Variants in NKAIN4 observed in about 807,000 individuals in gnomAD.
The protein encoded by NKAIN4 is sodium/potassium-transporting ATPase subunit beta-1-interacting protein 4.
Under a neutral mutation model 28.8 loss-of-function variants are expected in NKAIN4, and 28 were observed. The ratio of observed to expected loss-of-function variants is 0.97; its 90% CI spans 0.72 to 1.33. NKAIN4 has a LOEUF of 1.33. Ranked by LOEUF, NKAIN4 falls within the 40% of genes most tolerant of loss-of-function variation. The pLI, the probability that NKAIN4 is intolerant of heterozygous loss-of-function variation, is 0.00. For missense variants in NKAIN4, 289 were observed against 277.2 expected (o/e 1.04, Z -0.30); for synonymous variants, 122 against 115.6 (o/e 1.06, Z -0.36).
intron 4 of NKAIN4, among the ~76,000 whole-genome samples, chr20:63,246,123 T>C (rs1192332523): frequency 6.6e-6 from 1 of 152,026 alleles, no homozygotes; most frequent in Non-Finnish European, 1.5e-5. Context: ...AGAGACAGGG[T>C]TTCACCGTGT....
intron 4 of NKAIN4, chr20:63,246,708 C>G (rs1453256436): frequency 2.1e-6 from 2 of 969,920 alleles, no homozygotes; most frequent in African/African-American, 1.9e-5. Flanking sequence ...CCTCCAGCGA[C>G]GGCACCAGCC....
At chr20:63,253,901 C>G (rs1002702945) in intron 1 of NKAIN4, 1 of 156,174 alleles carries the variant, frequency 6.4e-6, no homozygotes, top group Non-Finnish European at 1.4e-5. Context: ...ACCCCCCGCC[C>G]CCTACACTCG....
chr20:63,253,674 T>C (rs769205151), intron 1 of NKAIN4, among the ~76,000 whole-genome samples: 10 of 152,270 alleles, frequency 6.6e-5, no homozygotes, highest in Admixed American at 1.3e-4. Flanking sequence ...CGGGAAAGAA[T>C]CCGCCCCCCA....
rs1001957920 is a variant in NKAIN4, at chr20:63,252,341, C to T, written c.54+2056G>A. On this transcript the variant is annotated intron_variant, in intron 1 of 6. Coordinates refer to ENST00000370316, the MANE Select transcript of NKAIN4 (RefSeq NM_152864.4). This position sits in a 1 kb window ranked among gnomAD's most constrained non-coding sequence, Gnocchi z 4.6. ...AGCAGGGCAGAGCCTGGGAATTGGA[C>T]GCAGCACAGCCCGGCTCAGAGCCAG... 2.6e-5 allele frequency among the ~76,000 whole-genome samples: 4 copies of T among 152,102 alleles called. No homozygotes were observed. The highest frequency in any genetic ancestry group is 2.1e-4 in the South Asian group (1 of 4,806).
At chr20:63,251,439 C>T (rs927875241) in intron 1 of NKAIN4, among the ~76,000 whole-genome samples, 3 of 152,088 alleles carry the variant, frequency 2.0e-5, no homozygotes, top group Non-Finnish European at 2.9e-5. Flanking sequence ...AGGGAGACTC[C>T]CTTTCCCAGT....
chr20:63,253,848 G>GGCGGCGGGA (rs1219601389), intron 1 of NKAIN4: 6 of 152,864 alleles, frequency 3.9e-5, no homozygotes, highest in African/African-American at 1.4e-4. Context: ...GGGCGGCGGG[G>GGCGGCGGGA]GCGGGCGGGG....
At chr20:63,251,200 T>C (rs2066953338) in intron 1 of NKAIN4, among the ~76,000 whole-genome samples, 1 of 151,914 alleles carries the variant, frequency 6.6e-6, no homozygotes, top group Admixed American at 6.6e-5. Context: ...ACGCCATTAT[T>C]TCTGCTTATC....
intron 4 of NKAIN4, 121 bp from the exon 5 acceptor site, chr20:63,244,205 C>CCT: frequency 1.3e-6 from 1 of 782,722 alleles, no homozygotes; most frequent in East Asian, 2.7e-5. Context: ...CTCTCCTGGA[C>CCT]CTCAGGTTCC....
upstream of NKAIN4, chr20:63,254,558 G>T: frequency 2.6e-6 from 2 of 765,700 alleles, no homozygotes; most frequent in Non-Finnish European, 3.5e-6. Context: ...TCCGCATCCC[G>T]TTCCCCCCTC....
chr20:63,247,173 G>A (rs1365850578), intron 4 of NKAIN4: 9 of 1,124,820 alleles, frequency 8.0e-6, no homozygotes, highest in East Asian at 7.3e-5. Flanking sequence ...TCCTGTGACC[G>A]GCATGGGCTC....
At chr20:63,254,560 TC>T, upstream of NKAIN4, 2 of 738,986 alleles carry the variant, frequency 2.7e-6, no homozygotes, top group African/African-American at 1.8e-5. Context: ...CGCATCCCGT[TC>T]CCCCCTCCTC....
chr20:63,252,488 A>C lies in NKAIN4; in HGVS notation c.54+1909T>G, dbSNP rs6122415. Among the ~76,000 whole-genome samples the C allele has an allele frequency of 0.86, 130,219 of 151,788 alleles. 55,989 individuals carry two copies. The highest frequency in any genetic ancestry group is 0.97 in the East Asian group (5,001 of 5,148). On this transcript the variant is annotated intron_variant, in intron 1 of 6. Transcript: ENST00000370316. This position sits in a 1 kb window ranked among gnomAD's most constrained non-coding sequence, Gnocchi z 4.6. ...AAAAAAAAAAAGGGGCTATCCAACA[A>C]CCCCGCCCTTCCTCCCGGGCCCCCT...
Position 63,241,762 on chromosome 20 carries a change from G to A in NKAIN4, c.618-256C>T, listed in dbSNP as rs772527739. On this transcript the variant is annotated intron_variant, in intron 6 of 6. Coordinates refer to ENST00000370316, the MANE Select transcript of NKAIN4 (RefSeq NM_152864.4). ...GGTCTGGCCTGTGGGGCTGGGAGTG[G>A]AGAGGGGGCTCACCCAGGGGTGTGC... The A allele has an allele frequency of 2.4e-4, 159 of 667,194 alleles. No homozygotes were observed. The Middle Eastern group carries it at 3.9e-3, about 16-fold the overall frequency. The allele number at this position is 667,194 out of a possible 1,614,324, so 41.3% of individuals were successfully genotyped here. A position where few individuals can be genotyped will look rare whatever the true frequency, so the allele number is the denominator to read the frequency against.
rs766396517 is a variant in NKAIN4, at chr20:63,250,055, C to G, written c.72G>C (p.Arg24Ser). The G allele has an allele frequency of 1.3e-6, 2 of 1,586,280 alleles. No individual in the cohort carries two copies. The highest frequency in any genetic ancestry group is 1.7e-6 in the Non-Finnish European group (2 of 1,167,526). Residue 24 changes from arginine (R) to serine (S), a missense_variant, in exon 2 of 7, where the codon AGG becomes AGC. Arg to Ser is a moderately radical substitution (Grantham distance 110, BLOSUM62 -1). Transcript: ENST00000370316. ...GGTAGCCCAGGAAGTCAAACACCTG[C>G]CTCTCCAGGGCGGCGACCTAGGAGC... The part of the protein sequence containing the change: ...CAFQLVAALE[R>S]QVFDFLGYQW...
Position 63,243,433 on chromosome 20 carries a change from C to T in NKAIN4, c.532+591G>A, listed in dbSNP as rs966116520. ...GTCCATAGGAACCAGGACCCCTGGG[C>T]ACACCCAGACCCTGCTTGGCGTCTG... On this transcript the variant is annotated intron_variant, in intron 5 of 6. Coordinates refer to ENST00000370316, the MANE Select transcript of NKAIN4 (RefSeq NM_152864.4). Among the ~76,000 whole-genome samples, 30 of 152,242 alleles carry T rather than the reference C, an allele frequency of 2.0e-4. No homozygotes were observed. The South Asian group carries it at 3.1e-3, about 16-fold the overall frequency.
rs1157541688 is a variant in NKAIN4 at position 63,252,439 on chromosome 20, T to C, written c.54+1958A>G. 6.6e-6 allele frequency among the ~76,000 whole-genome samples: 1 copy of C among 151,700 alleles called. No homozygotes were observed. The highest frequency in any genetic ancestry group is 1.5e-5 in the Non-Finnish European group (1 of 67,908). ...CTGGGCCCTTTGTCCTGTAGCTTGG[T>C]AACACAAAATTCTCACACTTGTCAA... On this transcript the variant is annotated intron_variant, in intron 1 of 6. Transcript: ENST00000370316. The surrounding 1 kb of genome is among the most constrained non-coding windows in gnomAD (Gnocchi z 4.6).
At chr20:63,251,416 C>T (rs1355892312) in intron 1 of NKAIN4, among the ~76,000 whole-genome samples, 2 of 152,126 alleles carry the variant, frequency 1.3e-5, no homozygotes, top group Non-Finnish European at 2.9e-5. Context: ...CTTCTCTAAA[C>T]TCCCCCGGGG....
chr20:63,242,212 C>A (rs1390990418), intron 6 of NKAIN4, among the ~76,000 whole-genome samples: 5 of 152,158 alleles, frequency 3.3e-5, no homozygotes, highest in African/African-American at 4.8e-5. Flanking sequence ...CACCCCCATG[C>A]CGCCTGCTGG....
chr20:63,244,468 G>A (rs917056133), intron 4 of NKAIN4: 1 of 480,812 alleles, frequency 2.1e-6, no homozygotes, highest in African/African-American at 2.0e-5. Context: ...CGGGCCTCTT[G>A]CCTTTGGCCC....
Sources: allele counts gnomAD v4.1 joint callset (sites outside exome capture counted in the v4.1 genomes callset), GRCh38; gene constraint gnomAD v4.1.1; non-coding constraint Gnocchi (gnomAD v3.1); transcripts MANE v1.5; gene names NCBI Gene and HGNC (gene_info 2026-07-23, HGNC 2026-07-21).